Variants in SLC2A13 observed in about 807,000 individuals in gnomAD.
SLC2A13 encodes the protein proton myo-inositol cotransporter.
In SLC2A13, 32 loss-of-function variants were observed where a neutral mutation model predicts 64.4. The ratio of observed to expected loss-of-function variants is 0.50; its 90% CI spans 0.37 to 0.67. The LOEUF is 0.67. Ranked by LOEUF, SLC2A13 falls within the 30% of genes least tolerant of loss-of-function variation. The pLI, the probability that SLC2A13 is intolerant of heterozygous loss-of-function variation, is 0.00. For missense variants in SLC2A13, 743 were observed against 829.2 expected (o/e 0.90, Z 1.28); for synonymous variants, 338 against 327.1 (o/e 1.03, Z -0.36).
chr12:39,793,760 T>C (rs916219328), intron 7 of SLC2A13, among the ~76,000 whole-genome samples: 1 of 152,130 alleles, frequency 6.6e-6, no homozygotes, highest in South Asian at 2.1e-4. Context: ...TTCCTCTTCA[T>C]AGGAATCCCT....
intron 6 of SLC2A13, among the ~76,000 whole-genome samples, chr12:39,862,144 T>C (rs1316629097): frequency 6.6e-6 from 1 of 152,224 alleles, no homozygotes; most frequent in Non-Finnish European, 1.5e-5. Flanking sequence ...GAGAATTGAA[T>C]CAGGCCTTGG....
chr12:39,760,079 C>T lies in SLC2A13; in HGVS notation c.1894G>A (p.Val632Ile). Residue 632 changes from valine to isoleucine, a missense_variant, in exon 10 of 10, where the codon GTA (valine) becomes ATA (isoleucine). By Grantham distance (29) the Val-to-Ile change is conservative. Coordinates refer to ENST00000280871, the MANE Select transcript of SLC2A13 (RefSeq NM_052885.4). ...GAAAGATGATAGTTACTTCCCTTTA[C>T]CCGAATATATTCAATATATCTCCCT... ...DEGRYIEYIR[V>I]KGSNYHLSDN... 3.7e-6 allele frequency: 6 copies of T among 1,612,778 alleles called. No individual in the cohort carries two copies. Among genetic ancestry groups the T allele is most frequent in the Non-Finnish European group, 5.1e-6 (6 of 1,179,256 alleles).
intron 3 of SLC2A13, among the ~76,000 whole-genome samples, chr12:40,017,228 G>GACTGTATCTT (rs1565591541): frequency 6.6e-6 from 1 of 152,158 alleles, no homozygotes; most frequent in Non-Finnish European, 1.5e-5. Flanking sequence ...GACTGTATCT[G>GACTGTATCTT]GCAATGAGGA....
chr12:40,009,834 G>C (rs1243641033), intron 3 of SLC2A13, among the ~76,000 whole-genome samples: 1 of 152,166 alleles, frequency 6.6e-6, no homozygotes, highest in African/African-American at 2.4e-5. Flanking sequence ...TAAGTCAAAA[G>C]CCATCTGAAG....
At chr12:39,795,128 G>C (rs2135772630) in intron 7 of SLC2A13, among the ~76,000 whole-genome samples, 1 of 151,782 alleles carries the variant, frequency 6.6e-6, no homozygotes, top group Admixed American at 6.6e-5. Context: ...TATCTTTCTA[G>C]AACTATCATT....
chr12:40,027,056 G>C (rs1947823088), intron 3 of SLC2A13, among the ~76,000 whole-genome samples: 1 of 150,986 alleles, frequency 6.6e-6, no homozygotes, highest in African/African-American at 2.4e-5. Context: ...CTCCAACCTG[G>C]GCAACAGAGT....
At chr12:39,808,239 C>A (rs1942037135) in intron 7 of SLC2A13, among the ~76,000 whole-genome samples, 1 of 152,084 alleles carries the variant, frequency 6.6e-6, no homozygotes, top group Non-Finnish European at 1.5e-5. Flanking sequence ...TTGCCCAACA[C>A]AATGTTTCTG....
intron 4 of SLC2A13, among the ~76,000 whole-genome samples, chr12:39,895,040 AC>A (rs563594928): frequency 2.5e-4 from 38 of 152,176 alleles, no homozygotes; most frequent in African/African-American, 8.9e-4. Flanking sequence ...CGGCAGTGGA[AC>A]TTTTTGTTTT....
intron 7 of SLC2A13, among the ~76,000 whole-genome samples, chr12:39,776,250 T>C (rs1940771937): frequency 9.3e-6 from 1 of 107,302 alleles, no homozygotes; most frequent in Non-Finnish European, 1.9e-5. Flanking sequence ...CTCAAAATGC[T>C]GGTTTCCATA....
chr12:39,969,888 G>C (rs1448523939), intron 3 of SLC2A13, among the ~76,000 whole-genome samples: 7 of 152,184 alleles, frequency 4.6e-5, no homozygotes, highest in Admixed American at 4.6e-4. Flanking sequence ...CCTATGTCCT[G>C]AAAGGTATTG....
At chr12:39,865,524 T>A (rs1943885304) in intron 5 of SLC2A13, among the ~76,000 whole-genome samples, 1 of 152,208 alleles carries the variant, frequency 6.6e-6, no homozygotes, top group Non-Finnish European at 1.5e-5. Flanking sequence ...GGAATGGTGA[T>A]TAAGTATATC....
chr12:39,827,673 A>G (rs1328620751), intron 7 of SLC2A13, among the ~76,000 whole-genome samples: 2 of 152,110 alleles, frequency 1.3e-5, no homozygotes, highest in East Asian at 3.9e-4. Flanking sequence ...CATTTTCTAG[A>G]AGTCTGCTAA....
At chr12:39,830,254 A>G in intron 6 of SLC2A13, 26 bp from the exon 7 acceptor site, 1 of 1,605,956 alleles carries the variant, frequency 6.2e-7, no homozygotes, top group Non-Finnish European at 8.5e-7. Context: ...AGTTACCGTC[A>G]TGTTGGCAGA....
intron 7 of SLC2A13, among the ~76,000 whole-genome samples, chr12:39,779,797 C>G (rs1029281959): frequency 1.3e-5 from 2 of 152,234 alleles, no homozygotes; most frequent in East Asian, 3.9e-4. Flanking sequence ...TCATCCTAAG[C>G]TTTAAAAATT....
chr12:39,909,184 C>T (rs1945365972), intron 4 of SLC2A13, among the ~76,000 whole-genome samples: 1 of 151,982 alleles, frequency 6.6e-6, no homozygotes, highest in Admixed American at 6.6e-5. Flanking sequence ...AATTACACTA[C>T]AATTTTTCTA....
chr12:39,884,608 C>A (rs1944426326), intron 4 of SLC2A13, among the ~76,000 whole-genome samples: 1 of 152,138 alleles, frequency 6.6e-6, no homozygotes. Context: ...AAGGCAATAT[C>A]TGGGGACTGT....
intron 7 of SLC2A13, among the ~76,000 whole-genome samples, chr12:39,804,847 G>T (rs539467208): frequency 6.6e-6 from 1 of 152,274 alleles, no homozygotes; most frequent in South Asian, 2.1e-4. Context: ...GAGAAGCAGG[G>T]TAAGTAGGGC....
chr12:39,798,269 A>G (rs1013491637), intron 7 of SLC2A13, among the ~76,000 whole-genome samples: 1 of 152,226 alleles, frequency 6.6e-6, no homozygotes, highest in African/African-American at 2.4e-5. Flanking sequence ...CTCATGAGAG[A>G]TACCACCACA....
chr12:39,952,313 G>A (rs767394396), intron 3 of SLC2A13, among the ~76,000 whole-genome samples: 3 of 152,088 alleles, frequency 2.0e-5, no homozygotes, highest in African/African-American at 4.8e-5. Flanking sequence ...TGGTATTCCC[G>A]CTGTTAGAAG....
Sources: allele counts gnomAD v4.1 joint callset (sites outside exome capture counted in the v4.1 genomes callset), GRCh38; gene constraint gnomAD v4.1.1; transcripts MANE v1.5; gene names NCBI Gene and HGNC (gene_info 2026-07-23, HGNC 2026-07-21).